The following CALCR variants were observed in gnomAD, a reference collection of about 807,000 sequenced individuals.
The protein encoded by CALCR is calcitonin receptor.
In CALCR, 47 loss-of-function variants were observed where a neutral mutation model predicts 59.5. The observed-to-expected ratio is 0.79, with a 90% confidence interval of 0.63 to 1.01. The LOEUF (loss-of-function observed/expected upper bound fraction) is 1.01. CALCR is among the 50% of genes least tolerant of loss of function. The pLI, the probability that CALCR is intolerant of heterozygous loss-of-function variation, is 0.00. For missense variants in CALCR, 566 were observed against 597.1 expected, an observed-to-expected ratio of 0.95 and a Z score of 0.54; for synonymous variants, 213 against 211.3, an observed-to-expected ratio of 1.01 and a Z score of -0.07.
At chr7:93,439,877 A>G (rs1227843282) in intron 9 of CALCR, among the ~76,000 whole-genome samples, 3 of 152,140 alleles carry the variant, frequency 2.0e-5, no homozygotes, top group Non-Finnish European at 2.9e-5. Context: ...AAACTTCAGT[A>G]TTTGAAGTTA....
At chr7:93,470,311 A>C (rs1800525386) in intron 6 of CALCR, among the ~76,000 whole-genome samples, 1 of 151,332 alleles carries the variant, frequency 6.6e-6, no homozygotes, top group Admixed American at 6.6e-5. Flanking sequence ...CCAGGAATTC[A>C]TTTTCTGGCT....
chr7:93,447,752 C>T (rs192731821), intron 8 of CALCR, among the ~76,000 whole-genome samples: 382 of 152,030 alleles, frequency 2.5e-3, no homozygotes, highest in Admixed American at 7.5e-3. Context: ...AGAATGCCTT[C>T]CATCATCTTC....
chr7:93,527,686 A>G lies in CALCR; in HGVS notation c.-26-40679T>C, dbSNP rs554892848. 2.6e-5 allele frequency among the ~76,000 whole-genome samples: 4 copies of G among 152,312 alleles called. No individual in the cohort carries two copies. In the South Asian group the frequency reaches 8.3e-4, roughly 32 times the overall value. ...CCACTTCAAAATGCTGTCTAGGGAT[A>G]GCCCTGCATATAAGCTTCTAAGACA... On this transcript the variant is annotated intron_variant, in intron 2 of 13. Transcript: ENST00000426151.
chr7:93,572,753 G>A (rs544930581), intron 2 of CALCR, among the ~76,000 whole-genome samples: 2 of 151,868 alleles, frequency 1.3e-5, no homozygotes, highest in Non-Finnish European at 2.9e-5. Flanking sequence ...AACAGAAGAC[G>A]TATTTATATC....
At chr7:93,484,768 T>A (rs1272449497) in intron 3 of CALCR, among the ~76,000 whole-genome samples, 1 of 151,734 alleles carries the variant, frequency 6.6e-6, no homozygotes, top group Admixed American at 6.6e-5. Context: ...AAGAACCTAA[T>A]TTTTATGTCT....
In CALCR at chr7:93,553,241, T is replaced by C. The variant is rs556833843; in HGVS notation, c.-27+21048A>G. On this transcript the variant is annotated intron_variant, in intron 2 of 13. Transcript: ENST00000426151. ...GACAGTGTAGATTGGTTTGTGTTGC[T>C]CCACCAAAGGTGCAAATCAGAGGTA... Among the ~76,000 whole-genome samples, 4 of 151,236 alleles carry C rather than the reference T, an allele frequency of 2.6e-5. No homozygotes were observed. The East Asian group carries it at 5.9e-4, about 22-fold the overall frequency.
chr7:93,458,159 C>G (rs561643443), intron 8 of CALCR, among the ~76,000 whole-genome samples: 1 of 152,212 alleles, frequency 6.6e-6, no homozygotes, highest in Non-Finnish European at 1.5e-5. Context: ...ATAACAGATG[C>G]CATGGTTTTA....
At chr7:93,566,736 T>C (rs1789871664) in intron 2 of CALCR, among the ~76,000 whole-genome samples, 1 of 152,124 alleles carries the variant, frequency 6.6e-6, no homozygotes, top group African/African-American at 2.4e-5. Context: ...AGTCACTGAG[T>C]ATCATTGTAT....
chr7:93,487,086 C>G, intron 2 of CALCR, 79 bp from the exon 3 acceptor site: 1 of 672,130 alleles, frequency 1.5e-6, no homozygotes, highest in Non-Finnish European at 2.5e-6. Context: ...TTCATTTTTT[C>G]TATTTGACTT....
At chr7:93,440,060 A>G (rs1799867213) in intron 9 of CALCR, among the ~76,000 whole-genome samples, 1 of 152,174 alleles carries the variant, frequency 6.6e-6, no homozygotes, top group Non-Finnish European at 1.5e-5. Flanking sequence ...GATTCATTTC[A>G]AATCCTAGAA....
At chr7:93,526,539 T>C (rs1184725499) in intron 2 of CALCR, among the ~76,000 whole-genome samples, 1 of 152,066 alleles carries the variant, frequency 6.6e-6, no homozygotes, top group Non-Finnish European at 1.5e-5. Flanking sequence ...TTATGATTCA[T>C]ATAGAATTGT....
At chr7:93,511,913 T>C (rs957096903) in intron 2 of CALCR, among the ~76,000 whole-genome samples, 1 of 152,166 alleles carries the variant, frequency 6.6e-6, no homozygotes, top group South Asian at 2.1e-4. Flanking sequence ...CTTTTCTGGG[T>C]AGGCATGCGC....
Position 93,436,014 on chromosome 7 carries a change from G to A in CALCR, c.1087C>T (p.Pro363Ser). 1 of 1,613,694 alleles carries A rather than the reference G, an allele frequency of 6.2e-7. No homozygotes were observed. Among genetic ancestry groups the A allele is most frequent in the Non-Finnish European group, 8.5e-7 (1 of 1,179,664 alleles). The part of the protein sequence containing the change: ...GIQFVVFPWR[P>S]SNKMLGKIYD... ...ATCTTCCCAAGCATCTTGTTGGAAGGTCTCCAGGGAAAGACGACAAACTGG... is the reference window on the plus strand; with the variant it reads ...ATCTTCCCAAGCATCTTGTTGGAAGATCTCCAGGGAAAGACGACAAACTGG... The change falls in exon 12 of 14, where the codon CCT (proline) becomes TCT (serine). Residue 363 changes from proline to serine, a missense_variant. Pro to Ser is a moderately conservative substitution (Grantham distance 74). Transcript: ENST00000426151.
At chr7:93,508,349 A>C (rs1446911869) in intron 2 of CALCR, among the ~76,000 whole-genome samples, 1 of 152,218 alleles carries the variant, frequency 6.6e-6, no homozygotes, top group Non-Finnish European at 1.5e-5. Context: ...ACACTCTCAA[A>C]ACTGTGGCTA....
intron 2 of CALCR, among the ~76,000 whole-genome samples, chr7:93,542,796 A>G (rs1285831408): frequency 6.6e-6 from 1 of 152,126 alleles, no homozygotes; most frequent in Admixed American, 6.5e-5. Context: ...GCCTAAGCCC[A>G]CAGGGTCAGG....
intron 10 of CALCR, 37 bp downstream of exon 10, chr7:93,438,173 A>T: frequency 1.2e-6 from 2 of 1,612,010 alleles, no homozygotes; most frequent in Non-Finnish European, 1.7e-6. Context: ...CATTTTGTTT[A>T]TGAATATGTT....
intron 2 of CALCR, among the ~76,000 whole-genome samples, chr7:93,514,879 T>C (rs1391606961): frequency 6.6e-6 from 1 of 152,030 alleles, no homozygotes; most frequent in Non-Finnish European, 1.5e-5. Flanking sequence ...AAATAAGTAG[T>C]GAATCTAGGT....
At chr7:93,550,512 AAAG>A (rs1789421123) in intron 2 of CALCR, among the ~76,000 whole-genome samples, 2 of 150,192 alleles carry the variant, frequency 1.3e-5, no homozygotes, top group South Asian at 4.2e-4. Context: ...AAAAAAAAAA[AAAG>A]TCTTGTCAAT....
At chr7:93,427,064 C>T (rs1205843667) in intron 13 of CALCR, among the ~76,000 whole-genome samples, 3 of 152,152 alleles carry the variant, frequency 2.0e-5, no homozygotes, top group Admixed American at 1.3e-4. Flanking sequence ...TTTCCTTGTC[C>T]GACATGACTT....
Sources: allele counts gnomAD v4.1 joint callset (sites outside exome capture counted in the v4.1 genomes callset), GRCh38; gene constraint gnomAD v4.1.1; transcripts MANE v1.5; gene names NCBI Gene and HGNC (gene_info 2026-07-23, HGNC 2026-07-21).